The following GLRA3 variants were observed in gnomAD, a reference collection of about 807,000 sequenced individuals.
GLRA3 encodes the protein glycine receptor subunit alpha-3.
In GLRA3, 44 loss-of-function variants were observed where a neutral mutation model predicts 60.4. The observed-to-expected ratio is 0.73, with a 90% CI of 0.57 to 0.94. The LOEUF (loss-of-function observed/expected upper bound fraction) is 0.94, where lower values mean the gene tolerates loss of function less well. Ranked by LOEUF, GLRA3 falls within the 40% of genes least tolerant of loss-of-function variation. GLRA3 has a pLI of 0.00. For missense variants in GLRA3, 508 were observed against 564.6 expected (o/e 0.90, Z 1.02); for synonymous variants, 223 against 192.9 (o/e 1.16, Z -1.29).
chr4:174,747,106 C>G (rs533187978), intron 3 of GLRA3, among the ~76,000 whole-genome samples: 1 of 152,238 alleles, frequency 6.6e-6, no homozygotes, highest in African/African-American at 2.4e-5. Flanking sequence ...ACCAATTATT[C>G]TGGCTTCTGC....
intron 1 of GLRA3, among the ~76,000 whole-genome samples, chr4:174,801,210 A>T (rs988837938): frequency 5.3e-5 from 8 of 152,052 alleles, no homozygotes; most frequent in African/African-American, 1.9e-4. Flanking sequence ...TCACCACTCC[A>T]TCAGTAAAAT....
At chr4:174,825,973 T>C (rs1740950730) in intron 1 of GLRA3, among the ~76,000 whole-genome samples, 1 of 152,144 alleles carries the variant, frequency 6.6e-6, no homozygotes, top group African/African-American at 2.4e-5. Flanking sequence ...ATTACTGATA[T>C]AAGTGTAAAA....
chr4:174,719,772 A>G (rs1736067207), intron 4 of GLRA3, among the ~76,000 whole-genome samples: 1 of 152,174 alleles, frequency 6.6e-6, no homozygotes, highest in South Asian at 2.1e-4. Flanking sequence ...TGGTTTCTTT[A>G]TGAAGCTATG....
chr4:174,726,229 T>G (rs1291155202), intron 4 of GLRA3, among the ~76,000 whole-genome samples: 2 of 152,232 alleles, frequency 1.3e-5, no homozygotes, highest in Non-Finnish European at 2.9e-5. Flanking sequence ...GAGGAATTCC[T>G]GGCTTTCTAT....
rs140962966 is a variant in GLRA3 at position 174,751,217 on chromosome 4, C to T, written c.267+15746G>A. On this transcript the variant is annotated intron_variant, in intron 3 of 9. Transcript: ENST00000274093. ...TCTGGTTAAAGCATGATAGAAACATCATAAGTGTGGTGTAAATTTCACAAA... is the reference window on the plus strand; with the variant it reads ...TCTGGTTAAAGCATGATAGAAACATTATAAGTGTGGTGTAAATTTCACAAA... Among the ~76,000 whole-genome samples the T allele has an allele frequency of 1.5e-4, 23 of 152,064 alleles. No individual in the cohort carries two copies. The East Asian group carries it at 4.5e-3, about 29-fold the overall frequency.
chr4:174,737,462 T>C (rs7672386), intron 3 of GLRA3, among the ~76,000 whole-genome samples: 6,070 of 152,272 alleles, frequency 0.04, 296 homozygotes, highest in African/African-American at 0.11. Flanking sequence ...AATATAATTA[T>C]TCCAATAATT....
chr4:174,647,135 G>A (rs145736099), intron 9 of GLRA3, among the ~76,000 whole-genome samples: 12 of 152,270 alleles, frequency 7.9e-5, no homozygotes, highest in East Asian at 1.9e-4. Context: ...GGCTGGGGGC[G>A]GAGGCTCACG....
intron 2 of GLRA3, among the ~76,000 whole-genome samples, chr4:174,784,704 C>G (rs934356948): frequency 6.6e-6 from 1 of 152,052 alleles, no homozygotes; most frequent in African/African-American, 2.4e-5. Context: ...GCTTTACTTT[C>G]TAATTCTTTT....
At chr4:174,669,267 C>T (rs56328270) in intron 7 of GLRA3, among the ~76,000 whole-genome samples, 3,425 of 151,934 alleles carry the variant, frequency 0.023, 62 homozygotes, top group Non-Finnish European at 0.034. Flanking sequence ...CTAAAGCCAG[C>T]GAGCAAGGAA....
intron 3 of GLRA3, among the ~76,000 whole-genome samples, chr4:174,737,323 A>T (rs555317591): frequency 6.6e-6 from 1 of 152,326 alleles, no homozygotes; most frequent in South Asian, 2.1e-4. Flanking sequence ...GTTTTATTAA[A>T]CTATTAACAC....
intron 3 of GLRA3, among the ~76,000 whole-genome samples, chr4:174,745,083 C>A (rs1737189535): frequency 6.6e-6 from 1 of 152,024 alleles, no homozygotes; most frequent in South Asian, 2.1e-4. Context: ...GAAGACAGGT[C>A]TTTTGAAATA....
At chr4:174,727,965 T>C (rs1378972132) in intron 4 of GLRA3, among the ~76,000 whole-genome samples, 3 of 152,130 alleles carry the variant, frequency 2.0e-5, no homozygotes, top group Non-Finnish European at 4.4e-5. Context: ...AATCATCACT[T>C]TGCAGCATGT....
chr4:174,685,314 C>T (rs1734514272), intron 5 of GLRA3, among the ~76,000 whole-genome samples: 1 of 152,078 alleles, frequency 6.6e-6, no homozygotes, highest in Non-Finnish European at 1.5e-5. Context: ...CACACTTGAC[C>T]CCTAGGTATA....
chr4:174,781,734 C>T (rs539402942), intron 2 of GLRA3, among the ~76,000 whole-genome samples: 3 of 150,498 alleles, frequency 2.0e-5, no homozygotes, highest in Non-Finnish European at 4.5e-5. Flanking sequence ...ATAAATTCCT[C>T]GACACATACA....
intron 5 of GLRA3, 101 bp downstream of exon 5, chr4:174,715,387 T>G (rs1735875025): frequency 3.0e-6 from 2 of 655,968 alleles, no homozygotes; most frequent in Admixed American, 2.6e-5. Context: ...AGTAAATATG[T>G]GACCAAAATG....
chr4:174,701,604 C>G (rs562241906), intron 5 of GLRA3, among the ~76,000 whole-genome samples: 1 of 152,128 alleles, frequency 6.6e-6, no homozygotes, highest in Admixed American at 6.5e-5. Context: ...TCTTATGGAT[C>G]TGGGCAAAGT....
At chr4:174,674,879 C>A (rs1734053094) in intron 7 of GLRA3, among the ~76,000 whole-genome samples, 1 of 152,122 alleles carries the variant, frequency 6.6e-6, no homozygotes, top group Non-Finnish European at 1.5e-5. Flanking sequence ...AAAGCCCTCA[C>A]CTCCTGTCTC....
chr4:174,746,405 T>C (rs1737248636), intron 3 of GLRA3, among the ~76,000 whole-genome samples: 1 of 152,022 alleles, frequency 6.6e-6, no homozygotes, highest in Admixed American at 6.6e-5. Context: ...GAAAGACAAA[T>C]ATTGCACCTT....
At position 174,659,210 on chromosome 4, in the gene GLRA3, G is replaced by A. The variant is rs1182060773; in HGVS notation, c.928-13C>T. 6.3e-7 allele frequency: 1 copy of A among 1,599,606 alleles called. No individual in the cohort carries two copies. Among genetic ancestry groups the A allele is most frequent in the Non-Finnish European group, 8.5e-7 (1 of 1,173,638 alleles). ...TGACATATGAAACCTAGCCAAGAGAGAAAGAGAAAGCAAGCAAATTCACTT... is the reference window on the plus strand; with the variant it reads ...TGACATATGAAACCTAGCCAAGAGAAAAAGAGAAAGCAAGCAAATTCACTT... On this transcript the variant is annotated splice_polypyrimidine_tract_variant and intron_variant, in intron 7 of 9. Transcript: ENST00000274093.
Sources: gnomAD v4.1 joint callset for allele counts (sites outside exome capture counted in the v4.1 genomes callset) on GRCh38, gnomAD v4.1.1 for gene constraint, MANE v1.5 for transcripts, NCBI Gene and HGNC (gene_info 2026-07-23, HGNC 2026-07-21) for gene names.